Variants in MYRIP observed in about 807,000 individuals in gnomAD.
The protein encoded by MYRIP is myosin VIIA and Rab interacting protein, also known as rab effector MyRIP.
A neutral mutation model predicts 98.0 loss-of-function variants in MYRIP; 49 were observed. The ratio of observed to expected loss-of-function variants is 0.50; its 90% CI spans 0.40 to 0.63. The LOEUF (loss-of-function observed/expected upper bound fraction) is 0.63. Ranked by LOEUF, MYRIP falls within the 30% of genes least tolerant of loss-of-function variation. The probability of loss-of-function intolerance (pLI) is 0.00; values close to 1 mark genes in which losing one functional copy is unlikely to be tolerated. For missense variants in MYRIP, 1,004 were observed against 1,058.2 expected, an observed-to-expected ratio of 0.95 and a Z score of 0.71; for synonymous variants, 404 against 409.5, an observed-to-expected ratio of 0.99 and a Z score of 0.16.
chr3:39,977,241 G>A (rs1342313473), intron 2 of MYRIP, among the ~76,000 whole-genome samples: 1 of 152,076 alleles, frequency 6.6e-6, no homozygotes, highest in African/African-American at 2.4e-5. Context: ...TGCATTAAGG[G>A]GGAGTCCATG....
chr3:39,844,003 G>A (rs1405121308), intron 1 of MYRIP, among the ~76,000 whole-genome samples: 1 of 152,200 alleles, frequency 6.6e-6, no homozygotes, highest in Non-Finnish European at 1.5e-5. Context: ...GGAAGAGGCT[G>A]AGAGACCTCC....
In MYRIP at chr3:39,985,532, G is replaced by A. The variant is rs1320128691; in HGVS notation, c.111-58518G>A. On this transcript the variant is annotated intron_variant, in intron 2 of 16. Transcript: ENST00000302541. ...CTAAGCCAAAAGAACAAAGCTGGAG[G>A]CATCACGCTACCTGACTTCAAACTA... Among the ~76,000 whole-genome samples, 10 of 136,380 alleles carry A rather than the reference G, an allele frequency of 7.3e-5. No individual in the cohort carries two copies. The South Asian group carries it at 2.4e-3, about 32-fold the overall frequency. The allele number at this position is 136,380 out of a possible 152,430, so 89.5% of individuals were successfully genotyped here.
intron 16 of MYRIP, among the ~76,000 whole-genome samples, chr3:40,255,263 G>A (rs1355973008): frequency 6.6e-6 from 1 of 152,126 alleles, no homozygotes; most frequent in Non-Finnish European, 1.5e-5. Context: ...GACATGAATT[G>A]GTGGCTGCCA....
At chr3:40,246,128 A>G (rs1050139472) in intron 13 of MYRIP, among the ~76,000 whole-genome samples, 1 of 151,954 alleles carries the variant, frequency 6.6e-6, no homozygotes, top group Admixed American at 6.6e-5. Context: ...AGATAGAGAC[A>G]TAAATCAAAG....
chr3:39,860,116 C>T (rs1416322879), intron 1 of MYRIP, among the ~76,000 whole-genome samples: 2 of 152,156 alleles, frequency 1.3e-5, no homozygotes, highest in Non-Finnish European at 2.9e-5. Flanking sequence ...AAAGACTCCA[C>T]ACACACATAC....
chr3:39,816,078 C>CT (rs11382431), intron 1 of MYRIP, among the ~76,000 whole-genome samples: 36,839 of 143,158 alleles, frequency 0.26, 4,737 homozygotes, highest in Middle Eastern at 0.33. Flanking sequence ...TTCTTTTTTT[C>CT]TTTTTTTTTT....
intron 10 of MYRIP, 96 bp from the exon 11 acceptor site, chr3:40,209,757 AT>A: frequency 6.7e-7 from 1 of 1,499,336 alleles, no homozygotes. Context: ...CCTAGACTAT[AT>A]GTTCCTATGT....
intron 9 of MYRIP, among the ~76,000 whole-genome samples, chr3:40,184,504 A>G (rs1263330937): frequency 1.3e-5 from 2 of 152,210 alleles, no homozygotes; most frequent in Non-Finnish European, 2.9e-5. Flanking sequence ...CCCCACAGCC[A>G]ATGTAGGCAG....
intron 3 of MYRIP, among the ~76,000 whole-genome samples, chr3:40,098,740 T>TTGTGTGTGTGTGTG (rs3063561): frequency 0.051 from 6,920 of 135,146 alleles, 257 homozygotes; most frequent in East Asian, 0.096. Context: ...GTCTCTCTCA[T>TTGTGTGTGTGTGTG]TGTGTGTGTG....
intron 3 of MYRIP, among the ~76,000 whole-genome samples, chr3:40,096,760 A>T (rs560698653): frequency 6.6e-6 from 1 of 152,228 alleles, no homozygotes; most frequent in African/African-American, 2.4e-5. Context: ...GAGAGCGTGG[A>T]TCACAATGTG....
intron 1 of MYRIP, among the ~76,000 whole-genome samples, chr3:39,865,296 G>C (rs1186960167): frequency 6.6e-6 from 1 of 152,102 alleles, no homozygotes; most frequent in East Asian, 1.9e-4. Context: ...AACAAAAATT[G>C]ACAAATGGGA....
At chr3:40,006,995 A>G (rs1256205262) in intron 2 of MYRIP, among the ~76,000 whole-genome samples, 1 of 152,144 alleles carries the variant, frequency 6.6e-6, no homozygotes, top group Admixed American at 6.5e-5. Context: ...AGCAGTTATG[A>G]CTACAGGTGT....
At chr3:40,244,666 T>C in intron 13 of MYRIP, 59 bp downstream of exon 13, 1 of 1,514,440 alleles carries the variant, frequency 6.6e-7, no homozygotes, top group Admixed American at 2.1e-5. Context: ...GAGCCCCATG[T>C]TCTACAAGAA....
At chr3:40,123,558 G>A (rs1031820836) in intron 3 of MYRIP, among the ~76,000 whole-genome samples, 2 of 152,176 alleles carry the variant, frequency 1.3e-5, no homozygotes, top group Non-Finnish European at 2.9e-5. Context: ...GGTTCACTGT[G>A]CATGGTTACC....
intron 3 of MYRIP, among the ~76,000 whole-genome samples, chr3:40,047,615 A>T (rs1349268781): frequency 6.6e-6 from 1 of 152,200 alleles, no homozygotes; most frequent in Non-Finnish European, 1.5e-5. Context: ...TGAAACCCAA[A>T]GGGATGGAGA....
chr3:40,044,045 C>G lies in MYRIP; in HGVS notation c.111-5C>G. 1 of 1,613,116 alleles carries G rather than the reference C, an allele frequency of 6.2e-7. No homozygotes were observed. Among genetic ancestry groups the G allele is most frequent in the Non-Finnish European group, 8.5e-7 (1 of 1,179,498 alleles). On this transcript the variant is annotated splice_polypyrimidine_tract_variant and splice_region_variant and intron_variant, in intron 2 of 16. Coordinates refer to ENST00000302541, the MANE Select transcript of MYRIP (RefSeq NM_015460.4). ...CCTCCCATTTCCCCTACCTTGGTTTCCCAGTGAGCTGAAGCAGAAGCTGGA... is the reference window on the plus strand; with the variant it reads ...CCTCCCATTTCCCCTACCTTGGTTTGCCAGTGAGCTGAAGCAGAAGCTGGA...
At chr3:39,853,343 T>C (rs1481606101) in intron 1 of MYRIP, among the ~76,000 whole-genome samples, 3 of 152,234 alleles carry the variant, frequency 2.0e-5, no homozygotes, top group African/African-American at 7.2e-5. Context: ...CTGTTTCCCA[T>C]AGTGGCTGTT....
intron 3 of MYRIP, among the ~76,000 whole-genome samples, chr3:40,080,791 C>CTTTTTTTTTTTTTTTTT (rs34610302): frequency 5.3e-5 from 5 of 93,842 alleles, no homozygotes; most frequent in Non-Finnish European, 8.4e-5. Flanking sequence ...ATCCTAACTT[C>CTTTTTTTTTTTTTTTTT]TTTTTTTTTT....
chr3:40,094,587 C>G (rs1035262566), intron 3 of MYRIP, among the ~76,000 whole-genome samples: 1 of 152,160 alleles, frequency 6.6e-6, no homozygotes, highest in African/African-American at 2.4e-5. Flanking sequence ...TTAGTCACCT[C>G]CTTCTCTGGT....
Sources: allele counts gnomAD v4.1 joint callset (sites outside exome capture counted in the v4.1 genomes callset), GRCh38; gene constraint gnomAD v4.1.1; transcripts MANE v1.5; gene names NCBI Gene and HGNC (gene_info 2026-07-23, HGNC 2026-07-21).